HEATR5A: variants seen among roughly 807,000 people sequenced by gnomAD.
HEATR5A encodes the protein HEAT repeat containing 5A.
HEATR5A carries 178 observed loss-of-function variants against 218.8 expected under a neutral mutation model. The ratio of observed to expected loss-of-function variants is 0.81; its 90% confidence interval spans 0.72 to 0.92. HEATR5A has a LOEUF of 0.92. HEATR5A is among the 40% of genes least tolerant of loss of function. The probability of loss-of-function intolerance (pLI) is 0.00; values close to 1 mark genes in which losing one functional copy is unlikely to be tolerated. For synonymous variants in HEATR5A, 864 were observed against 871.6 expected (o/e 0.99, Z 0.15); for missense variants, 2,420 against 2,418.9 (o/e 1.00, Z -0.01).
intron 13 of HEATR5A, among the ~76,000 whole-genome samples, chr14:31,367,569 ATTTTTTTTTTTT>A (rs567217496): frequency 1.5e-4 from 9 of 60,316 alleles, no homozygotes; most frequent in South Asian, 2.1e-3. Context: ...TGCCCAGCTA[ATTTTTTTTTTTT>A]TTTTTTTTTT....
chr14:31,390,540 A>G (rs1389801768), intron 6 of HEATR5A, among the ~76,000 whole-genome samples: 1 of 152,236 alleles, frequency 6.6e-6, no homozygotes. Context: ...AGCTGTAAGA[A>G]TAGTATAATA....
intron 22 of HEATR5A, among the ~76,000 whole-genome samples, chr14:31,328,663 T>C (rs1296017036): frequency 6.6e-6 from 1 of 152,090 alleles, no homozygotes; most frequent in Non-Finnish European, 1.5e-5. Flanking sequence ...GTGGATCACC[T>C]GAGGTCAGGA....
chr14:31,354,757 CAG>C (rs773842022), intron 16 of HEATR5A, among the ~76,000 whole-genome samples: 2 of 152,238 alleles, frequency 1.3e-5, no homozygotes, highest in Non-Finnish European at 2.9e-5. Context: ...ACCCTTTAGA[CAG>C]GGGGTACACA....
chr14:31,357,814 A>C (rs1227633763), intron 16 of HEATR5A, among the ~76,000 whole-genome samples: 1 of 152,230 alleles, frequency 6.6e-6, no homozygotes, highest in Non-Finnish European at 1.5e-5. Flanking sequence ...AGATTACCAC[A>C]ATCAAGTTAA....
rs117462694 is a variant in HEATR5A, at chr14:31,338,189, T to C, written c.3229-575A>G. On this transcript the variant is annotated intron_variant, in intron 21 of 35. Coordinates refer to ENST00000543095, the MANE Select transcript of HEATR5A (RefSeq NM_015473.4). ...AACACTACTGCATCTCTCAGGGCTA[T>C]TGTGACATTAACACAAAGCAACATG... Among the ~76,000 whole-genome samples, 530 of 152,324 alleles carry C rather than the reference T, an allele frequency of 3.5e-3. 4 individuals carry two copies. The highest frequency in any genetic ancestry group is 6.1e-3 in the Non-Finnish European group (416 of 68,036).
chr14:31,380,634 A>C, intron 10 of HEATR5A, 56 bp from the exon 11 acceptor site: 4 of 1,039,598 alleles, frequency 3.8e-6, no homozygotes, highest in Non-Finnish European at 5.7e-6. Context: ...AAATTACTAA[A>C]TGATAGCAGC....
chr14:31,312,343 A>G (rs958978683), intron 28 of HEATR5A, among the ~76,000 whole-genome samples: 1 of 152,218 alleles, frequency 6.6e-6, no homozygotes, highest in Non-Finnish European at 1.5e-5. Flanking sequence ...CATAGCCATC[A>G]GATTGGCAAA....
intron 16 of HEATR5A, among the ~76,000 whole-genome samples, chr14:31,352,072 G>C (rs905117908): frequency 6.6e-6 from 1 of 152,066 alleles, no homozygotes; most frequent in Non-Finnish European, 1.5e-5. Context: ...ATAGCACAGA[G>C]GTTTTAATTC....
chr14:31,350,201 T>A (rs1207300149), intron 17 of HEATR5A, among the ~76,000 whole-genome samples: 1 of 152,218 alleles, frequency 6.6e-6, no homozygotes, highest in Non-Finnish European at 1.5e-5. Context: ...AATACGGTAA[T>A]CAATTATCAT....
At chr14:31,371,213 T>A (rs761522566) in intron 13 of HEATR5A, among the ~76,000 whole-genome samples, 9 of 152,368 alleles carry the variant, frequency 5.9e-5, no homozygotes, top group Middle Eastern at 3.4e-3. Context: ...ATTTACTATC[T>A]GGTCCTTCAG....
chr14:31,398,653 C>T lies in HEATR5A; in HGVS notation c.447+20G>A. On this transcript the variant is annotated intron_variant, in intron 4 of 35. Transcript: ENST00000543095. ...AAAATGCTGTCTTTTCATTCTTTGGCTGAACTTGTAATTACTTACCTCTGC... is the reference window on the plus strand; with the variant it reads ...AAAATGCTGTCTTTTCATTCTTTGGTTGAACTTGTAATTACTTACCTCTGC... 3.1e-6 allele frequency: 4 copies of T among 1,301,618 alleles called. No individual in the cohort carries two copies. Among genetic ancestry groups the T allele is most frequent in the Non-Finnish European group, 4.3e-6 (4 of 938,064 alleles). 80.6% of individuals were successfully genotyped at this position (1,301,618 alleles called of 1,614,324 possible). A position where few individuals can be genotyped will look rare whatever the true frequency, so the allele number is the denominator to read the frequency against.
intron 16 of HEATR5A, among the ~76,000 whole-genome samples, chr14:31,357,533 G>A (rs1282838991): frequency 4.6e-5 from 7 of 152,282 alleles, no homozygotes; most frequent in Non-Finnish European, 2.9e-5. Context: ...TTCCCATTTC[G>A]TTTTTCAGAT....
intron 12 of HEATR5A, 29 bp from the exon 13 acceptor site, chr14:31,371,938 G>C (rs530743178): frequency 1.7e-6 from 2 of 1,154,416 alleles, no homozygotes; most frequent in African/African-American, 1.6e-5. Context: ...TTTTACTTGG[G>C]CATACTGTAA....
intron 31 of HEATR5A, among the ~76,000 whole-genome samples, chr14:31,305,556 C>T (rs999955559): frequency 3.3e-5 from 5 of 152,194 alleles, no homozygotes; most frequent in African/African-American, 9.7e-5. Flanking sequence ...AGCCACTGCG[C>T]CCGGCCAGGA....
intron 28 of HEATR5A, among the ~76,000 whole-genome samples, chr14:31,312,025 C>T (rs752534042): frequency 5.3e-5 from 8 of 151,972 alleles, no homozygotes; most frequent in Non-Finnish European, 7.4e-5. Context: ...CGTGCAGTTT[C>T]GGGAGGACAA....
chr14:31,396,603 T>C (rs984313922), intron 4 of HEATR5A, among the ~76,000 whole-genome samples: 1 of 152,202 alleles, frequency 6.6e-6, no homozygotes, highest in African/African-American at 2.4e-5. Flanking sequence ...CATAGTAATA[T>C]TGTTAATTTA....
Position 31,308,038 on chromosome 14 carries a change from AGAG to A in HEATR5A, c.4691-21_4691-19del, listed in dbSNP as rs763341427. 1.3e-5 allele frequency: 20 copies of A among 1,585,322 alleles called. No individual in the cohort carries two copies. Among genetic ancestry groups the A allele is most frequent in the South Asian group, 4.7e-5 (4 of 85,062 alleles). ...GCTGATTCCTGTGGAAAGCAAAAAA[AGAG>A]GAGGAGGCTTCTTTCAAATTATTAG... On this transcript the variant is annotated intron_variant, in intron 29 of 35. Transcript: ENST00000543095.
At chr14:31,369,238 C>A (rs1901925687) in intron 13 of HEATR5A, among the ~76,000 whole-genome samples, 1 of 151,962 alleles carries the variant, frequency 6.6e-6, no homozygotes. Context: ...ATCACTTAAG[C>A]CTGGGAGCCT....
intron 9 of HEATR5A, among the ~76,000 whole-genome samples, chr14:31,385,960 T>C (rs1485143850): frequency 6.6e-6 from 1 of 152,170 alleles, no homozygotes; most frequent in African/African-American, 2.4e-5. Context: ...ACTCCTGACC[T>C]CAAGTGATAT....
Sources: gnomAD v4.1 joint callset for allele counts (sites outside exome capture counted in the v4.1 genomes callset) on GRCh38, gnomAD v4.1.1 for gene constraint, MANE v1.5 for transcripts, NCBI Gene and HGNC (gene_info 2026-07-23, HGNC 2026-07-21) for gene names.